Variants in UNC5D observed in about 807,000 individuals in gnomAD.
UNC5D encodes the protein netrin receptor UNC5D.
A neutral mutation model predicts 105.4 loss-of-function variants in UNC5D; 39 were observed. The ratio of observed to expected loss-of-function variants is 0.37; its 90% CI spans 0.29 to 0.48. UNC5D has a LOEUF of 0.48. UNC5D is among the 20% of genes least tolerant of loss of function. UNC5D has a pLI of 0.98. For synonymous variants in UNC5D, 452 were observed against 450.4 expected, an observed-to-expected ratio of 1.00 and a Z score of -0.04; for missense variants, 991 against 1,202.4, an observed-to-expected ratio of 0.82 and a Z score of 2.60.
intron 4 of UNC5D, among the ~76,000 whole-genome samples, chr8:35,664,871 G>A (rs530311070): frequency 1.3e-5 from 2 of 152,012 alleles, no homozygotes; most frequent in South Asian, 4.2e-4. Flanking sequence ...TTAGAGATGG[G>A]TCTTCCTCTG....
rs190613025 is a variant in UNC5D at position 35,284,781 on chromosome 8, C to T, written c.103+48894C>T. Among the ~76,000 whole-genome samples the T allele has an allele frequency of 6.1e-3, 928 of 152,142 alleles. 5 individuals carry two copies. Among genetic ancestry groups the T allele is most frequent in the Non-Finnish European group, 0.01 (687 of 67,986 alleles). ...GTTTCACAATGTTAGCCAGGATGGT[C>T]TCGATTTCCTGACCTCGTGACCCGC... On this transcript the variant is annotated intron_variant, in intron 1 of 16. Coordinates refer to ENST00000404895, the MANE Select transcript of UNC5D (RefSeq NM_080872.4).
chr8:35,640,313 C>T (rs1368797768), intron 4 of UNC5D, among the ~76,000 whole-genome samples: 1 of 152,102 alleles, frequency 6.6e-6, no homozygotes, highest in African/African-American at 2.4e-5. Flanking sequence ...TTTTCATATC[C>T]TGATCAGATT....
intron 1 of UNC5D, among the ~76,000 whole-genome samples, chr8:35,434,130 A>G (rs1365602743): frequency 6.6e-6 from 1 of 152,112 alleles, no homozygotes; most frequent in Non-Finnish European, 1.5e-5. Flanking sequence ...GAAAGTATGA[A>G]TTTTAAGCTT....
chr8:35,639,963 G>A (rs763063033), intron 4 of UNC5D, among the ~76,000 whole-genome samples: 8 of 151,658 alleles, frequency 5.3e-5, no homozygotes, highest in Non-Finnish European at 1.0e-4. Context: ...GCCCATAAGC[G>A]ATCGTCCTGC....
At chr8:35,431,966 T>A (rs2128975920) in intron 1 of UNC5D, among the ~76,000 whole-genome samples, 1 of 152,296 alleles carries the variant, frequency 6.6e-6, no homozygotes, top group Middle Eastern at 3.4e-3. Context: ...TAACTTTAAA[T>A]TCAGTATTAA....
chr8:35,771,200 T>C (rs1037770120), intron 15 of UNC5D, among the ~76,000 whole-genome samples: 5 of 152,214 alleles, frequency 3.3e-5, no homozygotes, highest in Non-Finnish European at 5.9e-5. Flanking sequence ...GATCAACTTG[T>C]TCAGTTTTCT....
chr8:35,777,736 G>T (rs567079002), intron 16 of UNC5D, among the ~76,000 whole-genome samples: 1 of 152,240 alleles, frequency 6.6e-6, no homozygotes, highest in African/African-American at 2.4e-5. Flanking sequence ...AATAGACAAC[G>T]ACCCCTATTT....
chr8:35,311,281 C>T (rs1808859316), intron 1 of UNC5D, among the ~76,000 whole-genome samples: 1 of 152,052 alleles, frequency 6.6e-6, no homozygotes, highest in African/African-American at 2.4e-5. Flanking sequence ...TTTAGAAAGG[C>T]CTTGGACACT....
intron 4 of UNC5D, among the ~76,000 whole-genome samples, chr8:35,630,788 T>G (rs1049694696): frequency 1.3e-4 from 20 of 152,086 alleles, no homozygotes; most frequent in Non-Finnish European, 2.8e-4. Context: ...GCCAGAATAA[T>G]GTACTGGGGT....
chr8:35,470,540 G>C (rs1809630582), intron 1 of UNC5D, among the ~76,000 whole-genome samples: 1 of 148,876 alleles, frequency 6.7e-6, no homozygotes, highest in Non-Finnish European at 1.5e-5. Flanking sequence ...ATGATCACCT[G>C]AGTCTAAGAG....
Position 35,294,133 on chromosome 8 carries a change from T to A in UNC5D, c.103+58246T>A, listed in dbSNP as rs540867352. Among the ~76,000 whole-genome samples the A allele has an allele frequency of 5.9e-5, 9 of 152,302 alleles. No individual in the cohort carries two copies. The South Asian group carries it at 6.2e-4, about 11-fold the overall frequency. Reference sequence around the variant, plus strand: ...AGACTGGCAGCTGGTGTTTCCCTTTTCCTATCAAGGCTCAGGAGTTAGCAG... The same window carrying A: ...AGACTGGCAGCTGGTGTTTCCCTTTACCTATCAAGGCTCAGGAGTTAGCAG... On this transcript the variant is annotated intron_variant, in intron 1 of 16. Transcript: ENST00000404895.
chr8:35,415,245 C>A (rs1165801793), intron 1 of UNC5D, among the ~76,000 whole-genome samples: 1 of 152,060 alleles, frequency 6.6e-6, no homozygotes, highest in East Asian at 1.9e-4. Context: ...GACTGACAAA[C>A]CTCAGGATTT....
Position 35,497,527 on chromosome 8 carries a change from G to T in UNC5D, c.104-51765G>T, listed in dbSNP as rs1811675362. 2.0e-5 allele frequency among the ~76,000 whole-genome samples: 3 copies of T among 152,110 alleles called. No homozygotes were observed. In the South Asian group the frequency reaches 6.2e-4, roughly 32 times the overall value. On this transcript the variant is annotated intron_variant, in intron 1 of 16. Transcript: ENST00000404895. Reference sequence around the variant, plus strand: ...AGGTGTAGCGCCAGAAGAGAAGCAGGGTTGGCAACAGCAAGGGAGAAATGA... The same window carrying T: ...AGGTGTAGCGCCAGAAGAGAAGCAGTGTTGGCAACAGCAAGGGAGAAATGA...
intron 4 of UNC5D, among the ~76,000 whole-genome samples, chr8:35,629,122 C>T (rs142729547): frequency 9.7e-4 from 148 of 152,256 alleles, no homozygotes; most frequent in African/African-American, 3.5e-3. Flanking sequence ...CAGTAGCAAG[C>T]CTTTTTCTCC....
At chr8:35,354,766 G>A (rs909492465) in intron 1 of UNC5D, among the ~76,000 whole-genome samples, 17 of 152,188 alleles carry the variant, frequency 1.1e-4, no homozygotes, top group African/African-American at 2.9e-4. Context: ...GATTTTCTGC[G>A]TCAGGATGTT....
chr8:35,603,386 G>C (rs1380104070), intron 4 of UNC5D, among the ~76,000 whole-genome samples: 1 of 152,154 alleles, frequency 6.6e-6, no homozygotes, highest in Non-Finnish European at 1.5e-5. Context: ...GTTCTAGTTT[G>C]ATTGCACTGT....
At position 35,599,172 on chromosome 8, in the gene UNC5D, T is replaced by C. The variant is rs1487443565; in HGVS notation, c.570+3515T>C. On this transcript the variant is annotated intron_variant, in intron 4 of 16. Transcript: ENST00000404895. Reference sequence around the variant, plus strand: ...AAAAAAAAAAAAAAAAAAAAAAAGCTGAAGTCACAGAACTAGAGTAGAATG... The same window carrying C: ...AAAAAAAAAAAAAAAAAAAAAAAGCCGAAGTCACAGAACTAGAGTAGAATG... Among the ~76,000 whole-genome samples, 5 of 135,554 alleles carry C rather than the reference T, an allele frequency of 3.7e-5. No homozygotes were observed. The East Asian group carries it at 8.7e-4, about 24-fold the overall frequency. The allele number at this position is 135,554 out of a possible 152,430, so 88.9% of individuals were successfully genotyped here. A position where few individuals can be genotyped will look rare whatever the true frequency, so the allele number is the denominator to read the frequency against.
intron 9 of UNC5D, among the ~76,000 whole-genome samples, chr8:35,724,667 G>GTAAGC (rs1828763917): frequency 6.6e-6 from 1 of 152,168 alleles, no homozygotes; most frequent in South Asian, 2.1e-4. Context: ...CTTAGACTAG[G>GTAAGC]CAGATCTTCT....
In UNC5D at chr8:35,242,284, T is replaced by G. The variant is rs190264936; in HGVS notation, c.103+6397T>G. ...TGAATGCTATGGCTTCCCAGTCAGA[T>G]AAGTCAGAGGGGAAATGACATCACA... On this transcript the variant is annotated intron_variant, in intron 1 of 16. Coordinates refer to ENST00000404895, the MANE Select transcript of UNC5D (RefSeq NM_080872.4). 3.0e-3 allele frequency among the ~76,000 whole-genome samples: 452 copies of G among 152,266 alleles called. 3 individuals are homozygous for G. Among genetic ancestry groups the G allele is most frequent in the African/African-American group, 0.01 (433 of 41,538 alleles).
Sources: allele counts gnomAD v4.1 joint callset (sites outside exome capture counted in the v4.1 genomes callset), GRCh38; gene constraint gnomAD v4.1.1; transcripts MANE v1.5; gene names NCBI Gene and HGNC (gene_info 2026-07-23, HGNC 2026-07-21).